TCERG1: variants seen among roughly 807,000 people sequenced by gnomAD.
The protein encoded by TCERG1 is TATA box binding protein (TBP)-associated factor, RNA polymerase II, S, 150kD.
In TCERG1, 37 loss-of-function variants were observed where a neutral mutation model predicts 144.7. The observed-to-expected ratio is 0.26, with a 90% confidence interval of 0.20 to 0.34. The LOEUF (loss-of-function observed/expected upper bound fraction) is 0.34, where lower values mean the gene tolerates loss of function less well. TCERG1 is among the 10% of genes least tolerant of loss of function. TCERG1 has a pLI of 1.00. For synonymous variants in TCERG1, 492 were observed against 458.2 expected (o/e 1.07, Z -0.94); for missense variants, 1,027 against 1,380.7 (o/e 0.74, Z 4.06).
chr5:146,468,219 C>T, intron 5 of TCERG1, 122 bp from the exon 6 acceptor site: 2 of 763,254 alleles, frequency 2.6e-6, no homozygotes, highest in Non-Finnish European at 3.9e-6. Context: ...TTACTCCATT[C>T]TTGGTCTTTT....
rs150048933 is a variant in TCERG1, at chr5:146,477,903, A to G, written c.1602-590A>G. Among the ~76,000 whole-genome samples, 73 of 151,952 alleles carry G rather than the reference A, an allele frequency of 4.8e-4. 3 individuals are homozygous for G. In the East Asian group the frequency reaches 0.014, roughly 28 times the overall value. On this transcript the variant is annotated intron_variant, in intron 9 of 22. Transcript: ENST00000679501. ...TTTTTTGTAGAGATGGCCTTTCACC[A>G]TGTTGCCCAGGCTGGTCTCAAACTC...
intron 16 of TCERG1, among the ~76,000 whole-genome samples, chr5:146,497,971 G>T (rs1767085441): frequency 6.6e-6 from 1 of 152,122 alleles, no homozygotes; most frequent in South Asian, 2.1e-4. Flanking sequence ...TCTCTTTGTA[G>T]ATTCCTCTTC....
At chr5:146,454,975 T>C in intron 1 of TCERG1, 81 bp from the exon 2 acceptor site, 1 of 1,445,738 alleles carries the variant, frequency 6.9e-7, no homozygotes, top group Non-Finnish European at 9.5e-7. Context: ...CCTTTTAAAT[T>C]TGATGGATGT....
chr5:146,449,222 T>G (rs1424414577), intron 1 of TCERG1, among the ~76,000 whole-genome samples: 2 of 152,230 alleles, frequency 1.3e-5, no homozygotes, highest in South Asian at 2.1e-4. Flanking sequence ...TGAGATGTTC[T>G]GTAGTTATGT....
chr5:146,504,086 A>G, intron 19 of TCERG1, 80 bp downstream of exon 19: 1 of 1,254,074 alleles, frequency 8.0e-7, no homozygotes. Flanking sequence ...GAATATTTTA[A>G]TGTTCTTTAA....
chr5:146,491,179 A>AT lies in TCERG1; in HGVS notation c.2164-1737dup, dbSNP rs1464472689. Among the ~76,000 whole-genome samples, 8 of 148,824 alleles carry AT rather than the reference A, an allele frequency of 5.4e-5. No individual in the cohort carries two copies. The South Asian group carries it at 1.7e-3, about 32-fold the overall frequency. On this transcript the variant is annotated intron_variant, in intron 15 of 22. Transcript: ENST00000679501. ...TTTTTTTTTTGCATGTAGAGATGGGATTTTGCCACGTTGCCCAGGCTGGTC... is the reference window on the plus strand; with the variant it reads ...TTTTTTTTTTGCATGTAGAGATGGGATTTTTGCCACGTTGCCCAGGCTGGTC...
At chr5:146,478,265 C>T (rs1291332871) in intron 9 of TCERG1, among the ~76,000 whole-genome samples, 3 of 152,108 alleles carry the variant, frequency 2.0e-5, no homozygotes, top group East Asian at 3.9e-4. Context: ...TCACAAATTG[C>T]TTTGCATTTC....
chr5:146,478,705 T>G (rs1765069222), intron 10 of TCERG1, 52 bp downstream of exon 10: 2 of 1,484,768 alleles, frequency 1.3e-6, no homozygotes, highest in Non-Finnish European at 1.8e-6. Context: ...CTTTTCATAT[T>G]TTGATAGAAA....
chr5:146,469,764 A>T lies in TCERG1; in HGVS notation c.1399+20A>T. 1 of 1,519,092 alleles carries T rather than the reference A, an allele frequency of 6.6e-7. No individual in the cohort carries two copies. The highest frequency in any genetic ancestry group is 8.9e-7 in the Non-Finnish European group (1 of 1,126,482). The allele number at this position is 1,519,092 out of a possible 1,614,324, so 94.1% of individuals were successfully genotyped here. On this transcript the variant is annotated intron_variant, in intron 7 of 22. Transcript: ENST00000679501. ...AAAAAGGTATATAGTGGTTTTAATG[A>T]CTTGGAAAGTAGTATAAACTGTAAT...
intron 16 of TCERG1, among the ~76,000 whole-genome samples, chr5:146,495,525 A>C (rs1015493459): frequency 3.9e-5 from 6 of 152,224 alleles, no homozygotes; most frequent in African/African-American, 1.4e-4. Context: ...CCAGGTTTGC[A>C]ATATATTCAT....
intron 1 of TCERG1, among the ~76,000 whole-genome samples, chr5:146,451,515 G>T (rs1241978162): frequency 6.6e-6 from 1 of 151,472 alleles, no homozygotes. Context: ...TAGAGTGGGG[G>T]TTTCACTATG....
chr5:146,506,170 A>G (rs1767975736), intron 19 of TCERG1, among the ~76,000 whole-genome samples: 1 of 152,138 alleles, frequency 6.6e-6, no homozygotes, highest in Non-Finnish European at 1.5e-5. Flanking sequence ...TCTGACTTGT[A>G]TTTAGATGCT....
intron 10 of TCERG1, among the ~76,000 whole-genome samples, chr5:146,478,883 A>G (rs1438281097): frequency 1.3e-5 from 2 of 152,096 alleles, no homozygotes; most frequent in African/African-American, 4.8e-5. Context: ...TTATTGTCCT[A>G]CTCAAGATTT....
chr5:146,482,464 T>A lies in TCERG1; in HGVS notation c.1938-128T>A. On this transcript the variant is annotated intron_variant, in intron 13 of 22. Transcript: ENST00000679501. ...TAGAGTTCATTTGAAACCCTCAATA[T>A]AATTTGTTTTTGCCAAAAATATGCT... 6.6e-6 allele frequency: 5 copies of A among 755,818 alleles called. No homozygotes were observed. In the South Asian group the frequency reaches 1.3e-4, roughly 19 times the overall value. The allele number at this position is 755,818 out of a possible 1,614,324, so 46.8% of individuals were successfully genotyped here.
intron 14 of TCERG1, 35 bp from the exon 15 acceptor site, chr5:146,483,505 A>G: frequency 6.4e-7 from 1 of 1,566,868 alleles, no homozygotes; most frequent in Non-Finnish European, 8.7e-7. Context: ...TTTAGAGGAG[A>G]CTTAATTATG....
chr5:146,502,883 G>A (rs1372248556), intron 17 of TCERG1: 1 of 152,020 alleles, frequency 6.6e-6, no homozygotes, highest in East Asian at 1.9e-4. Flanking sequence ...ATGACTTGCA[G>A]TGATTTTTAA....
intron 15 of TCERG1, among the ~76,000 whole-genome samples, chr5:146,484,307 G>C (rs1056044549): frequency 2.6e-5 from 4 of 152,126 alleles, no homozygotes; most frequent in African/African-American, 9.7e-5. Flanking sequence ...ATCATTTCGT[G>C]ATTGCCTCTT....
In TCERG1 at chr5:146,459,276, C is replaced by G. The variant is rs780709817; in HGVS notation, c.831C>G (p.Ser277=). 1.2e-6 allele frequency: 2 copies of G among 1,614,254 alleles called. No homozygotes were observed. The highest frequency in any genetic ancestry group is 1.7e-6 in the Non-Finnish European group (2 of 1,180,038). Reference sequence around the variant, plus strand: ...CAGTATCCACTTCAACATCATCATCCACCCCTTCCTCTACCACTTCTACCA... The same window carrying G: ...CAGTATCCACTTCAACATCATCATCGACCCCTTCCTCTACCACTTCTACCA... The part of the protein sequence containing the change: ...APAVSTSTSS[S]TPSSTTSTTT... The change falls in exon 4 of 23, where the codon TCC becomes TCG. Residue 277 remains serine, a synonymous_variant. Coordinates refer to ENST00000679501, the MANE Select transcript of TCERG1 (RefSeq NM_001382548.1).
intron 1 of TCERG1, among the ~76,000 whole-genome samples, 182 bp from the exon 2 acceptor site, chr5:146,454,874 A>G (rs1008939577): frequency 1.3e-5 from 2 of 152,222 alleles, no homozygotes; most frequent in Non-Finnish European, 2.9e-5. Flanking sequence ...CTGGGATTAC[A>G]GATGTGAGCC....
Sources: gnomAD v4.1 joint callset for allele counts (sites outside exome capture counted in the v4.1 genomes callset) on GRCh38, gnomAD v4.1.1 for gene constraint, MANE v1.5 for transcripts, NCBI Gene and HGNC (gene_info 2026-07-23, HGNC 2026-07-21) for gene names.